Variants in TLE1 observed in about 807,000 individuals in gnomAD.
The protein encoded by TLE1 is transducin-like enhancer protein 1.
In TLE1, 21 loss-of-function variants were observed where a neutral mutation model predicts 89.8. That is an observed-to-expected ratio of 0.23 (90% CI 0.17 to 0.34). The LOEUF is 0.34. Ranked by LOEUF, TLE1 falls within the 10% of genes least tolerant of loss-of-function variation. The pLI is 1.00. For missense variants in TLE1, 795 were observed against 1,031.2 expected, an observed-to-expected ratio of 0.77 and a Z score of 3.14; for synonymous variants, 447 against 407.6, an observed-to-expected ratio of 1.10 and a Z score of -1.16.
intron 1 of TLE1, among the ~76,000 whole-genome samples, 192 bp downstream of exon 1, chr9:81,688,025 A>C (rs1328348588): frequency 6.6e-6 from 1 of 151,948 alleles, no homozygotes; most frequent in Non-Finnish European, 1.5e-5. Flanking sequence ...AAGGAGCCCA[A>C]AGGGAGGGAG....
intron 9 of TLE1, 131 bp from the exon 10 acceptor site, chr9:81,616,830 C>G: frequency 1.1e-6 from 1 of 927,618 alleles, no homozygotes; most frequent in Middle Eastern, 2.1e-4. Flanking sequence ...TGCAGGCTCT[C>G]TATCAGTTTG....
chr9:81,633,258 C>T, intron 8 of TLE1, 90 bp downstream of exon 8: 1 of 1,593,208 alleles, frequency 6.3e-7, no homozygotes, highest in Non-Finnish European at 8.6e-7. Flanking sequence ...CTGTCTGTGC[C>T]TGTGTGGAGA....
At position 81,641,587 on chromosome 9, in the gene TLE1, A is replaced by C. The variant is rs57678617; in HGVS notation, c.373-7286T>G. On this transcript the variant is annotated intron_variant, in intron 6 of 19. Coordinates refer to ENST00000376499, the MANE Select transcript of TLE1 (RefSeq NM_005077.5). ...AAACTCAATAGTACAAAAATTAAAA[A>C]ATAAGTATCCTAATTTAAAAATGGG... 8.8e-3 allele frequency among the ~76,000 whole-genome samples: 1,334 copies of C among 152,350 alleles called. 21 individuals are homozygous for C. Among genetic ancestry groups the C allele is most frequent in the African/African-American group, 0.03 (1,252 of 41,586 alleles).
intron 4 of TLE1, among the ~76,000 whole-genome samples, chr9:81,669,838 G>A (rs1161682971): frequency 1.3e-5 from 2 of 151,952 alleles, no homozygotes; most frequent in African/African-American, 4.8e-5. Flanking sequence ...TTATACCAAC[G>A]GTCCCCCTTT....
intron 5 of TLE1, among the ~76,000 whole-genome samples, chr9:81,653,256 T>G (rs1829775681): frequency 6.6e-6 from 1 of 152,142 alleles, no homozygotes; most frequent in Non-Finnish European, 1.5e-5. Flanking sequence ...CAACTCCTAG[T>G]CCAATAAACT....
chr9:81,687,497 G>A, intron 1 of TLE1, 63 bp from the exon 2 acceptor site: 6 of 1,275,576 alleles, frequency 4.7e-6, no homozygotes, highest in South Asian at 1.3e-5. Flanking sequence ...AAAGCAGTAA[G>A]TCAGAGAAGG....
chr9:81,666,787 A>ATAAAT, intron 4 of TLE1, among the ~76,000 whole-genome samples: 1 of 149,580 alleles, frequency 6.7e-6, no homozygotes, highest in South Asian at 2.1e-4. Context: ...AAATAAATAA[A>ATAAAT]TAAATAAATA....
At chr9:81,593,391 AT>A in intron 14 of TLE1, 117 bp from the exon 15 acceptor site, 1 of 1,345,258 alleles carries the variant, frequency 7.4e-7, no homozygotes, top group South Asian at 1.6e-5. Context: ...ATTCTCTTGT[AT>A]AGTTTCCTTT....
chr9:81,618,756 C>A (rs1435830374), intron 9 of TLE1, among the ~76,000 whole-genome samples: 1 of 152,092 alleles, frequency 6.6e-6, no homozygotes, highest in Admixed American at 6.6e-5. Context: ...TAATTTAGTA[C>A]ACATAAGGAA....
chr9:81,619,640 T>G (rs1430524580), intron 9 of TLE1, among the ~76,000 whole-genome samples: 1 of 152,194 alleles, frequency 6.6e-6, no homozygotes, highest in African/African-American at 2.4e-5. Context: ...AACTTTACTT[T>G]CATACTGTTC....
At chr9:81,639,500 A>G (rs546901668) in intron 6 of TLE1, among the ~76,000 whole-genome samples, 14 of 152,322 alleles carry the variant, frequency 9.2e-5, no homozygotes, top group South Asian at 4.1e-4. Flanking sequence ...AAATTTGCTT[A>G]AAAGTCAAAA....
chr9:81,677,901 T>C (rs148873371), intron 4 of TLE1, among the ~76,000 whole-genome samples: 1 of 152,338 alleles, frequency 6.6e-6, no homozygotes, highest in Admixed American at 6.5e-5. Flanking sequence ...CAGTGGTGTA[T>C]ATCTAGCATA....
chr9:81,649,628 G>A lies in TLE1; in HGVS notation c.372+2586C>T, dbSNP rs144916158. On this transcript the variant is annotated intron_variant, in intron 6 of 19. Transcript: ENST00000376499. ...CTGAAAGTGGATGCAGACTAAGAGCGTGGCCTCTCCCATTGTTCTTTACCC... is the reference window on the plus strand; with the variant it reads ...CTGAAAGTGGATGCAGACTAAGAGCATGGCCTCTCCCATTGTTCTTTACCC... 2.6e-4 allele frequency among the ~76,000 whole-genome samples: 40 copies of A among 152,258 alleles called. 1 individual carries two copies. The Middle Eastern group carries it at 0.024, about 91-fold the overall frequency.
At position 81,584,839 on chromosome 9, in the gene TLE1, T is replaced by C. The variant is rs534574771; in HGVS notation, c.2129-315A>G. ...TCTATTTTAGTCAGTCTCCTCATGA[T>C]AAAATGGGATTAAAGATTCCCATCT... is the stretch of plus-strand genomic sequence containing the variant. On this transcript the variant is annotated intron_variant, in intron 18 of 19. Coordinates refer to ENST00000376499, the MANE Select transcript of TLE1 (RefSeq NM_005077.5). 2.0e-5 allele frequency among the ~76,000 whole-genome samples: 3 copies of C among 152,236 alleles called. No homozygotes were observed. In the South Asian group the frequency reaches 6.2e-4, roughly 32 times the overall value.
At chr9:81,612,053 T>C (rs993080651) in intron 12 of TLE1, 94 bp from the exon 13 acceptor site, 4 of 1,016,132 alleles carry the variant, frequency 3.9e-6, no homozygotes, top group Non-Finnish European at 5.3e-6. Flanking sequence ...GTGTCACTCA[T>C]GGGGAGAGAG....
At chr9:81,642,908 AG>A (rs1828333488) in intron 6 of TLE1, among the ~76,000 whole-genome samples, 1 of 152,248 alleles carries the variant, frequency 6.6e-6, no homozygotes, top group African/African-American at 2.4e-5. Context: ...TTGAAAAAGA[AG>A]AAAATCCTAC....
intron 14 of TLE1, among the ~76,000 whole-genome samples, chr9:81,594,511 C>T (rs1424995096): frequency 1.3e-5 from 2 of 151,918 alleles, no homozygotes; most frequent in African/African-American, 4.8e-5. Context: ...CCACTGCACT[C>T]CAGCCTAGGC....
At position 81,584,112 on chromosome 9, in the gene TLE1, T is replaced by C; in HGVS notation, c.*86A>G. On this transcript the variant is annotated 3_prime_UTR_variant, in exon 20 of 20. Coordinates refer to ENST00000376499, the MANE Select transcript of TLE1 (RefSeq NM_005077.5). ...AAACAGGTGTTTGTAATTTTTTTTC[T>C]CTTTTAAAGTTACAACTTTTCTATT... 1 of 1,240,642 alleles carries C rather than the reference T, an allele frequency of 8.1e-7. No homozygotes were observed. The highest frequency in any genetic ancestry group is 1.2e-6 in the Non-Finnish European group (1 of 859,450). The allele number at this position is 1,240,642 out of a possible 1,614,324, so 76.9% of individuals were successfully genotyped here. A position where few individuals can be genotyped will look rare whatever the true frequency, so the allele number is the denominator to read the frequency against.
chr9:81,590,410 A>T (rs1379521984), intron 16 of TLE1, among the ~76,000 whole-genome samples: 1 of 152,192 alleles, frequency 6.6e-6, no homozygotes, highest in Non-Finnish European at 1.5e-5. Context: ...ATTTTCTGTT[A>T]TCTTTTATCA....
Sources: gnomAD v4.1 joint callset for allele counts (sites outside exome capture counted in the v4.1 genomes callset) on GRCh38, gnomAD v4.1.1 for gene constraint, MANE v1.5 for transcripts, NCBI Gene and HGNC (gene_info 2026-07-23, HGNC 2026-07-21) for gene names.